OSBPL3: variants seen among roughly 807,000 people sequenced by gnomAD.
OSBPL3 encodes oxysterol binding protein like 3.
OSBPL3 carries 65 observed loss-of-function variants against 120.1 expected under a neutral mutation model. That is an observed-to-expected ratio of 0.54 (90% confidence interval 0.44 to 0.67). OSBPL3 has a LOEUF of 0.67. OSBPL3 is among the 30% of genes least tolerant of loss of function. The probability of loss-of-function intolerance (pLI) is 0.00; values close to 1 mark genes in which losing one functional copy is unlikely to be tolerated. For missense variants in OSBPL3, 1,004 were observed against 1,082.1 expected (o/e 0.93, Z 1.01); for synonymous variants, 416 against 402.6 (o/e 1.03, Z -0.40).
Position 24,805,049 on chromosome 7 carries a change from C to T in OSBPL3, c.2445-612G>A, listed in dbSNP as rs535257612. On this transcript the variant is annotated intron_variant, in intron 21 of 22. Coordinates refer to ENST00000313367, the MANE Select transcript of OSBPL3 (RefSeq NM_015550.4). This position sits in a 1 kb window ranked among gnomAD's most constrained non-coding sequence, Gnocchi z 4.0. Reference sequence around the variant, plus strand: ...AATGTGACAATGCCGCAATAAATGACCTTGTATATCCATCATTTTACATGA... The same window carrying T: ...AATGTGACAATGCCGCAATAAATGATCTTGTATATCCATCATTTTACATGA... Among the ~76,000 whole-genome samples, 2 of 152,144 alleles carry T rather than the reference C, an allele frequency of 1.3e-5. No individual in the cohort carries two copies. Among genetic ancestry groups the T allele is most frequent in the African/African-American group, 4.8e-5 (2 of 41,520 alleles).
In OSBPL3 at chr7:24,881,892, A is replaced by G. The variant is rs1554389759; in HGVS notation, c.97-9823T>C. Among the ~76,000 whole-genome samples, 1 of 151,786 alleles carries G rather than the reference A, an allele frequency of 6.6e-6. No individual in the cohort carries two copies. The highest frequency in any genetic ancestry group is 1.5e-5 in the Non-Finnish European group (1 of 67,922). On this transcript the variant is annotated intron_variant, in intron 2 of 22. Coordinates refer to ENST00000313367, the MANE Select transcript of OSBPL3 (RefSeq NM_015550.4). The surrounding 1 kb of genome is among the most constrained non-coding windows in gnomAD (Gnocchi z 4.3). Reference sequence around the variant, plus strand: ...CTTGGCTTGTAGCTGCATCACTCCAATCTCTCTCTCCACCATCACATCACC... The same window carrying G: ...CTTGGCTTGTAGCTGCATCACTCCAGTCTCTCTCTCCACCATCACATCACC...
In OSBPL3 at chr7:24,877,327, A is replaced by T. The variant is rs1013714882; in HGVS notation, c.97-5258T>A. 6.6e-6 allele frequency among the ~76,000 whole-genome samples: 1 copy of T among 152,192 alleles called. No homozygotes were observed. Among genetic ancestry groups the T allele is most frequent in the African/African-American group, 2.4e-5 (1 of 41,450 alleles). ...CTCAGAGATAGCTACTGTTTTCCCT[A>T]TACTGTAATCCCACCAAACAGGGAA... On this transcript the variant is annotated intron_variant, in intron 2 of 22. Transcript: ENST00000313367. This position sits in a 1 kb window ranked among gnomAD's most constrained non-coding sequence, Gnocchi z 4.8.
chr7:24,809,514 G>A (rs531700076), intron 20 of OSBPL3, among the ~76,000 whole-genome samples: 1 of 152,314 alleles, frequency 6.6e-6, no homozygotes, highest in East Asian at 1.9e-4. Flanking sequence ...GTACCCAGTA[G>A]AGTTATGCAT....
rs1438194373 is a variant in OSBPL3, at chr7:24,830,825, A to G, written c.1827T>C (p.Leu609=). The G allele has an allele frequency of 1.2e-6, 2 of 1,614,140 alleles. No individual in the cohort carries two copies. The highest frequency in any genetic ancestry group is 1.3e-5 in the African/African-American group (1 of 75,054). Residue 609 remains leucine, a synonymous_variant, in exon 16 of 23, where the codon CTT becomes CTC. Coordinates refer to ENST00000313367, the MANE Select transcript of OSBPL3 (RefSeq NM_015550.4). This position sits in a 1 kb window ranked among gnomAD's most constrained non-coding sequence, Gnocchi z 4.4. ...CCCGAATACATTCATATGTTTCTCC[A>G]AGAACCGGATTAAATGGCTTGCTTC... The part of the protein sequence containing the change: ...RAGSKPFNPV[L]GETYECIRED...
intron 2 of OSBPL3, among the ~76,000 whole-genome samples, chr7:24,878,219 T>C (rs983920059): frequency 6.6e-6 from 1 of 152,234 alleles, no homozygotes; most frequent in Non-Finnish European, 1.5e-5. Flanking sequence ...ACCTTTCAAA[T>C]GCTGAATCCT....
rs1800763347 is a variant in OSBPL3, at chr7:24,862,823, G to A, written c.870+377C>T. Among the ~76,000 whole-genome samples the A allele has an allele frequency of 6.6e-6, 1 of 152,102 alleles. No individual in the cohort carries two copies. Among genetic ancestry groups the A allele is most frequent in the Non-Finnish European group, 1.5e-5 (1 of 68,024 alleles). On this transcript the variant is annotated intron_variant, in intron 9 of 22. Coordinates refer to ENST00000313367, the MANE Select transcript of OSBPL3 (RefSeq NM_015550.4). This position sits in a 1 kb window ranked among gnomAD's most constrained non-coding sequence, Gnocchi z 4.4. ...GGGATGACAAATCCATGGAGCATCA[G>A]CGGAAGACACAGGTCACAGCACACA... is the stretch of plus-strand genomic sequence containing the variant.
At position 24,955,616 on chromosome 7, in the gene OSBPL3, T is replaced by G. The variant is rs1814950217; in HGVS notation, c.-150+24270A>C. Among the ~76,000 whole-genome samples the G allele has an allele frequency of 6.6e-6, 1 of 152,190 alleles. No homozygotes were observed. The highest frequency in any genetic ancestry group is 1.5e-5 in the Non-Finnish European group (1 of 68,030). On this transcript the variant is annotated intron_variant, in intron 1 of 22. Transcript: ENST00000313367. The surrounding 1 kb of genome is among the most constrained non-coding windows in gnomAD (Gnocchi z 4.3). ...CCTTATCAGAGAGGCCTTTGGCCATTTCTATGTAAAATCAAACAGCAGCAC... is the reference window on the plus strand; with the variant it reads ...CCTTATCAGAGAGGCCTTTGGCCATGTCTATGTAAAATCAAACAGCAGCAC...
chr7:24,926,167 C>A (rs909808605), intron 1 of OSBPL3, among the ~76,000 whole-genome samples: 25 of 152,248 alleles, frequency 1.6e-4, no homozygotes, highest in African/African-American at 6.0e-4. Flanking sequence ...CTACTGGCAC[C>A]TATAGAAGTA....
chr7:24,801,243 C>CAAA lies in OSBPL3; in HGVS notation c.2568-967_2568-965dup, dbSNP rs397976980. On this transcript the variant is annotated intron_variant, in intron 22 of 22. Coordinates refer to ENST00000313367, the MANE Select transcript of OSBPL3 (RefSeq NM_015550.4). ...TGGAAGACAGAGCAAGACTCCTTCT[C>CAAA]AAAAAAAAAAAAAAAAAAAAAAGTA... 8.5e-3 allele frequency among the ~76,000 whole-genome samples: 622 copies of CAAA among 73,538 alleles called. 22 individuals are homozygous for CAAA. The highest frequency in any genetic ancestry group is 0.028 in the African/African-American group (568 of 20,400). The allele number at this position is 73,538 out of a possible 152,430, so 48.2% of individuals were successfully genotyped here. A position where few individuals can be genotyped will look rare whatever the true frequency, so the allele number is the denominator to read the frequency against.
intron 1 of OSBPL3, among the ~76,000 whole-genome samples, chr7:24,969,857 A>C (rs550056156): frequency 6.6e-6 from 1 of 152,306 alleles, no homozygotes; most frequent in South Asian, 2.1e-4. Context: ...CTTTCTGCTA[A>C]GATAGCTCTT....
intron 15 of OSBPL3, among the ~76,000 whole-genome samples, chr7:24,832,514 A>G (rs937660608): frequency 6.5e-5 from 6 of 91,656 alleles, no homozygotes; most frequent in African/African-American, 2.4e-4. Context: ...TGCCTCAAAG[A>G]AAAAAAAAAA....
At chr7:24,927,428 G>A (rs1255891576) in intron 1 of OSBPL3, among the ~76,000 whole-genome samples, 3 of 152,132 alleles carry the variant, frequency 2.0e-5, no homozygotes, top group Non-Finnish European at 4.4e-5. Context: ...CTTCCTCCTA[G>A]AGAACAGAAT....
chr7:24,941,195 A>T (rs1444163005), intron 1 of OSBPL3, among the ~76,000 whole-genome samples: 1 of 152,198 alleles, frequency 6.6e-6, no homozygotes, highest in Non-Finnish European at 1.5e-5. Flanking sequence ...CATATGTATA[A>T]GAAATGTTGC....
In OSBPL3 at chr7:24,862,935, C is replaced by T. The variant is rs1800781133; in HGVS notation, c.870+265G>A. ...AGTGAAGGTGGGGAAACCAAAAGCC[C>T]TAGAAATGGCAGCAGTCCCTGCGAC... On this transcript the variant is annotated intron_variant, in intron 9 of 22. Coordinates refer to ENST00000313367, the MANE Select transcript of OSBPL3 (RefSeq NM_015550.4). This position sits in a 1 kb window ranked among gnomAD's most constrained non-coding sequence, Gnocchi z 4.4. 6.6e-6 allele frequency among the ~76,000 whole-genome samples: 1 copy of T among 152,214 alleles called. No individual in the cohort carries two copies. The highest frequency in any genetic ancestry group is 6.5e-5 in the Admixed American group (1 of 15,282).
rs1367627150 is a variant in OSBPL3 at position 24,965,450 on chromosome 7, G to A, written c.-150+14436C>T. ...TAAAGTGATTTACAAATGTGGAAGT[G>A]TTATATAAAATAAGGGGGTTATGAC... On this transcript the variant is annotated intron_variant, in intron 1 of 22. Transcript: ENST00000313367. The surrounding 1 kb of genome is among the most constrained non-coding windows in gnomAD (Gnocchi z 4.3). Among the ~76,000 whole-genome samples, 1 of 152,156 alleles carries A rather than the reference G, an allele frequency of 6.6e-6. No homozygotes were observed.
rs967128951 is a variant in OSBPL3 at position 24,808,411 on chromosome 7, C to T, written c.2317+1396G>A. Among the ~76,000 whole-genome samples, 3 of 152,016 alleles carry T rather than the reference C, an allele frequency of 2.0e-5. 1 individual carries two copies. Among genetic ancestry groups the T allele is most frequent in the Non-Finnish European group, 4.4e-5 (3 of 67,988 alleles). ...TAAAGTCAAGGAATAATGACAGTAA[C>T]AAAAATTTAAACAGTGTTGCTTTAT... is the stretch of plus-strand genomic sequence containing the variant. On this transcript the variant is annotated intron_variant, in intron 20 of 22. Coordinates refer to ENST00000313367, the MANE Select transcript of OSBPL3 (RefSeq NM_015550.4). This position sits in a 1 kb window ranked among gnomAD's most constrained non-coding sequence, Gnocchi z 4.6.
At chr7:24,960,026 C>G (rs1016415700) in intron 1 of OSBPL3, among the ~76,000 whole-genome samples, 1 of 152,126 alleles carries the variant, frequency 6.6e-6, no homozygotes, top group African/African-American at 2.4e-5. Flanking sequence ...TTAAATGGTA[C>G]CAAAATAGCT....
Position 24,800,290 on chromosome 7 carries a change from A to C in OSBPL3, c.2568-11T>G, listed in dbSNP as rs1792136077. The C allele has an allele frequency of 2.6e-6, 4 of 1,548,324 alleles. No individual in the cohort carries two copies. Among genetic ancestry groups the C allele is most frequent in the Non-Finnish European group, 3.6e-6 (4 of 1,120,620 alleles). On this transcript the variant is annotated splice_polypyrimidine_tract_variant and intron_variant, in intron 22 of 22. Coordinates refer to ENST00000313367, the MANE Select transcript of OSBPL3 (RefSeq NM_015550.4). ...TCATCGTCGGATTTCCTGTGAAAGA[A>C]GAAACAATTTCTTGCAGACTCTTGA...
rs150561612 is a variant in OSBPL3, at chr7:24,884,309, C to A, written c.96+8068G>T. On this transcript the variant is annotated intron_variant, in intron 2 of 22. Transcript: ENST00000313367. ...AAACAGTTGGTTGCCGGGTCACCTACCATTTATTAGCCATGGGACTCCAAA... is the reference window on the plus strand; with the variant it reads ...AAACAGTTGGTTGCCGGGTCACCTAACATTTATTAGCCATGGGACTCCAAA... 1.3e-3 allele frequency among the ~76,000 whole-genome samples: 201 copies of A among 152,284 alleles called. 1 individual carries two copies. The highest frequency in any genetic ancestry group is 4.5e-3 in the African/African-American group (188 of 41,550).
Sources: gnomAD v4.1 joint callset for allele counts (sites outside exome capture counted in the v4.1 genomes callset) on GRCh38, gnomAD v4.1.1 for gene constraint, Gnocchi (gnomAD v3.1) non-coding constraint, MANE v1.5 for transcripts, NCBI Gene and HGNC (gene_info 2026-07-23, HGNC 2026-07-21) for gene names.